The following TC2N variants were observed in gnomAD, a reference collection of about 807,000 sequenced individuals.
The protein encoded by TC2N is tandem C2 domains, nuclear.
A neutral mutation model predicts 61.9 loss-of-function variants in TC2N; 51 were observed. The observed-to-expected ratio is 0.82, with a 90% CI of 0.66 to 1.04. The LOEUF (loss-of-function observed/expected upper bound fraction) is 1.04, where lower values mean the gene tolerates loss of function less well. Among genes scored for constraint, TC2N ranks in the 50% least tolerant of loss-of-function variants. The pLI, the probability that TC2N is intolerant of heterozygous loss-of-function variation, is 0.00. For synonymous variants in TC2N, 204 were observed against 192.6 expected, an observed-to-expected ratio of 1.06 and a Z score of -0.49; for missense variants, 556 against 566.7, an observed-to-expected ratio of 0.98 and a Z score of 0.19.
intron 1 of TC2N, among the ~76,000 whole-genome samples, chr14:91,831,198 T>C (rs1210838394): frequency 2.0e-5 from 3 of 152,188 alleles, no homozygotes; most frequent in Non-Finnish European, 2.9e-5. Flanking sequence ...TCAGCTAAGG[T>C]TGTCCAATAC....
At chr14:91,829,042 C>T (rs1047769735) in intron 1 of TC2N, among the ~76,000 whole-genome samples, 1 of 149,148 alleles carries the variant, frequency 6.7e-6, no homozygotes, top group African/African-American at 2.5e-5. Context: ...AGCATAACCA[C>T]TGTTCTTTTA....
chr14:91,829,671 GGTTT>G (rs1887661061), intron 1 of TC2N, among the ~76,000 whole-genome samples: 1 of 151,968 alleles, frequency 6.6e-6, no homozygotes, highest in South Asian at 2.1e-4. Flanking sequence ...AGCTTTTGTA[GGTTT>G]ATTTCGAGGT....
At chr14:91,864,417 C>T (rs1361061341) in intron 1 of TC2N, among the ~76,000 whole-genome samples, 1 of 152,046 alleles carries the variant, frequency 6.6e-6, no homozygotes, top group African/African-American at 2.4e-5. Flanking sequence ...GGATGTAGAA[C>T]GTTCACAAAT....
At chr14:91,862,713 T>G (rs1888617747) in intron 1 of TC2N, among the ~76,000 whole-genome samples, 1 of 152,246 alleles carries the variant, frequency 6.6e-6, no homozygotes, top group African/African-American at 2.4e-5. Context: ...GCAGCCTGCT[T>G]CTTTTTGGTG....
At chr14:91,823,679 T>G (rs545897743) in intron 1 of TC2N, among the ~76,000 whole-genome samples, 1 of 152,134 alleles carries the variant, frequency 6.6e-6, no homozygotes, top group Non-Finnish European at 1.5e-5. Flanking sequence ...AGGTAGGGTA[T>G]GGGTAGAAGG....
intron 1 of TC2N, among the ~76,000 whole-genome samples, chr14:91,838,146 CTTTT>C (rs11406325): frequency 2.3e-5 from 3 of 131,830 alleles, no homozygotes; most frequent in Non-Finnish European, 1.6e-5. Context: ...TCATTTGTTC[CTTTT>C]TTTTTTTTTT....
chr14:91,808,226 CT>C (rs1886605554), intron 3 of TC2N, among the ~76,000 whole-genome samples: 1 of 152,168 alleles, frequency 6.6e-6, no homozygotes, highest in African/African-American at 2.4e-5. Context: ...CATATTTTTA[CT>C]GTACTGAATA....
intron 3 of TC2N, among the ~76,000 whole-genome samples, chr14:91,804,154 A>C (rs897365762): frequency 2.6e-5 from 4 of 152,212 alleles, no homozygotes; most frequent in Admixed American, 2.0e-4. Context: ...CTACACACTC[A>C]CCAGAATGGT....
At chr14:91,827,505 T>G (rs1044261690) in intron 1 of TC2N, among the ~76,000 whole-genome samples, 1 of 152,192 alleles carries the variant, frequency 6.6e-6, no homozygotes, top group African/African-American at 2.4e-5. Flanking sequence ...CTGCTACCAT[T>G]GTTACATCTT....
intron 1 of TC2N, among the ~76,000 whole-genome samples, chr14:91,835,425 G>C (rs969871279): frequency 2.6e-5 from 4 of 152,144 alleles, no homozygotes; most frequent in Non-Finnish European, 4.4e-5. Flanking sequence ...ATTAATCAGG[G>C]AAAACAAATT....
chr14:91,843,078 T>C (rs1888195109), intron 1 of TC2N, among the ~76,000 whole-genome samples: 1 of 152,122 alleles, frequency 6.6e-6, no homozygotes, highest in Admixed American at 6.5e-5. Context: ...TGCCTTCTTG[T>C]ACTTCTACCA....
intron 6 of TC2N, 78 bp from the exon 7 acceptor site, chr14:91,798,477 T>C: frequency 1.3e-6 from 1 of 763,256 alleles, no homozygotes; most frequent in Non-Finnish European, 2.2e-6. Context: ...ACAATCCAAT[T>C]TTAAGAGCAC....
intron 2 of TC2N, 76 bp from the exon 3 acceptor site, chr14:91,812,621 A>G (rs962151261): frequency 1.1e-5 from 8 of 706,292 alleles, no homozygotes; most frequent in Admixed American, 8.3e-5. Flanking sequence ...GCATACTTTG[A>G]TATTTATTTA....
At chr14:91,813,570 ATATT>A (rs1334181684) in intron 2 of TC2N, 129 bp downstream of exon 2, 1 of 618,252 alleles carries the variant, frequency 1.6e-6, no homozygotes, top group East Asian at 2.8e-5. Context: ...AAGTTATGGA[ATATT>A]TACTTAGTGT....
intron 9 of TC2N, 84 bp downstream of exon 9, chr14:91,792,283 C>A: frequency 1.3e-6 from 1 of 766,798 alleles, no homozygotes; most frequent in Non-Finnish European, 2.0e-6. Flanking sequence ...ATATTCTATT[C>A]AGGCTATTCT....
intron 10 of TC2N, among the ~76,000 whole-genome samples, chr14:91,786,723 G>A (rs1484104261): frequency 6.6e-6 from 1 of 152,116 alleles, no homozygotes; most frequent in African/African-American, 2.4e-5. Context: ...TCATTGCTCA[G>A]AATATCATTC....
At chr14:91,843,680 C>T (rs540670462) in intron 1 of TC2N, among the ~76,000 whole-genome samples, 15 of 152,268 alleles carry the variant, frequency 9.9e-5, no homozygotes, top group East Asian at 3.9e-4. Context: ...AGTTTTAGGA[C>T]GCCAAAGCTT....
At chr14:91,820,199 C>T (rs1676831597) in intron 1 of TC2N, among the ~76,000 whole-genome samples, 1 of 151,968 alleles carries the variant, frequency 6.6e-6, no homozygotes, top group Admixed American at 6.6e-5. Flanking sequence ...ATGGATACCC[C>T]TTGAGAACAT....
chr14:91,823,935 G>C (rs1268311567), intron 1 of TC2N, among the ~76,000 whole-genome samples: 2 of 152,168 alleles, frequency 1.3e-5, no homozygotes, highest in Non-Finnish European at 2.9e-5. Context: ...GGGCTATTGT[G>C]ATGATCAACC....
Sources: allele counts gnomAD v4.1 joint callset (sites outside exome capture counted in the v4.1 genomes callset), GRCh38; gene constraint gnomAD v4.1.1; transcripts MANE v1.5; gene names NCBI Gene and HGNC (gene_info 2026-07-23, HGNC 2026-07-21).